Variants in ANKRD31 observed in about 807,000 individuals in gnomAD.
ANKRD31 encodes ankyrin repeat domain-containing protein 31.
A neutral mutation model predicts 186.0 loss-of-function variants in ANKRD31; 147 were observed. The ratio of observed to expected loss-of-function variants is 0.79; its 90% CI spans 0.69 to 0.91. ANKRD31 has a LOEUF of 0.91. Among genes scored for constraint, ANKRD31 ranks in the 40% least tolerant of loss-of-function variants. The probability of loss-of-function intolerance (pLI) is 0.00; values close to 1 mark genes in which losing one functional copy is unlikely to be tolerated. For missense variants in ANKRD31, 1,986 were observed against 2,148.8 expected (o/e 0.92, Z 1.50); for synonymous variants, 673 against 736.4 (o/e 0.91, Z 1.39).
At chr5:75,205,385 C>T (rs1366238455) in intron 5 of ANKRD31, among the ~76,000 whole-genome samples, 1 of 152,120 alleles carries the variant, frequency 6.6e-6, no homozygotes, top group African/African-American at 2.4e-5. Flanking sequence ...ATTTATCCTC[C>T]AGCACTGGCC....
chr5:75,124,280 A>G (rs1386679857), intron 17 of ANKRD31, among the ~76,000 whole-genome samples: 1 of 152,188 alleles, frequency 6.6e-6, no homozygotes, highest in Non-Finnish European at 1.5e-5. Context: ...GACAAAAAAC[A>G]ACAGATGTTG....
At chr5:75,193,167 A>C in intron 8 of ANKRD31, 144 bp downstream of exon 8, 1 of 1,043,570 alleles carries the variant, frequency 9.6e-7, no homozygotes, top group Non-Finnish European at 1.3e-6. Context: ...CTGATCAAAA[A>C]CTGCAAAATA....
intron 10 of ANKRD31, among the ~76,000 whole-genome samples, chr5:75,180,705 C>T (rs1402620576): frequency 2.0e-5 from 3 of 152,124 alleles, no homozygotes; most frequent in African/African-American, 7.2e-5. Flanking sequence ...AACTGGATCC[C>T]TTCCTTACAC....
chr5:75,118,556 G>C (rs1748485772), intron 17 of ANKRD31, among the ~76,000 whole-genome samples: 1 of 152,148 alleles, frequency 6.6e-6, no homozygotes, highest in South Asian at 2.1e-4. Context: ...GTAGGCATAG[G>C]GAGGTTCAGT....
At chr5:75,162,162 C>G (rs1377304718) in intron 11 of ANKRD31, among the ~76,000 whole-genome samples, 3 of 152,182 alleles carry the variant, frequency 2.0e-5, no homozygotes, top group Non-Finnish European at 4.4e-5. Flanking sequence ...CAGAGATACT[C>G]AACACCAGCC....
chr5:75,220,410 C>T (rs930312678), intron 3 of ANKRD31, among the ~76,000 whole-genome samples: 3 of 151,988 alleles, frequency 2.0e-5, no homozygotes, highest in South Asian at 2.1e-4. Context: ...GAGGCTGAGG[C>T]GGGTGGATCA....
chr5:75,127,439 TAAGA>T (rs977106180), intron 17 of ANKRD31, among the ~76,000 whole-genome samples: 1 of 152,136 alleles, frequency 6.6e-6, no homozygotes, highest in African/African-American at 2.4e-5. Context: ...CAGCACTCTT[TAAGA>T]AAGAAATATC....
intron 17 of ANKRD31, among the ~76,000 whole-genome samples, chr5:75,128,017 A>G (rs1467103720): frequency 6.6e-6 from 1 of 152,204 alleles, no homozygotes. Context: ...ATCATGTCAT[A>G]TGAAATAGAA....
chr5:75,197,166 T>C (rs1755524652), intron 6 of ANKRD31, among the ~76,000 whole-genome samples: 1 of 152,186 alleles, frequency 6.6e-6, no homozygotes, highest in Admixed American at 6.6e-5. Context: ...CCTCCCAAAG[T>C]ACAGGGATTA....
At chr5:75,082,636 G>T (rs917113902) in intron 24 of ANKRD31, among the ~76,000 whole-genome samples, 3 of 152,082 alleles carry the variant, frequency 2.0e-5, no homozygotes, top group Non-Finnish European at 4.4e-5. Flanking sequence ...AATAAGCAAA[G>T]ATTTATTTTA....
chr5:75,097,843 A>G (rs1201045613), intron 22 of ANKRD31, among the ~76,000 whole-genome samples: 1 of 152,150 alleles, frequency 6.6e-6, no homozygotes, highest in Non-Finnish European at 1.5e-5. Flanking sequence ...TATAAGGTGT[A>G]AGGAAGGGAT....
intron 22 of ANKRD31, among the ~76,000 whole-genome samples, chr5:75,094,587 G>A (rs549978288): frequency 3.9e-5 from 6 of 152,100 alleles, no homozygotes; most frequent in East Asian, 1.9e-4. Flanking sequence ...AATATTCACC[G>A]ATTGCAAAAG....
Position 75,146,916 on chromosome 5 carries a change from G to A in ANKRD31, c.2495C>T (p.Thr832Ile), listed in dbSNP as rs1244983733. The stretch of plus-strand genomic sequence containing the variant: ...AAGCCCTGGGAAAGAAACAGCTTCA[G>A]TTTGGTCAACAGATTCTAATTCCAA... ...QCLELESVDQ[T>I]EAVSFPGLLL... is the part of the protein sequence containing the mutation. Residue 832 changes from threonine (T) to isoleucine (I), a missense_variant, in exon 14 of 26, where the codon ACT (threonine) becomes ATT (isoleucine). Coordinates refer to ENST00000506364, the MANE Select transcript of ANKRD31 (RefSeq NM_001372053.1). 2 of 1,536,254 alleles carry A rather than the reference G, an allele frequency of 1.3e-6. No individual in the cohort carries two copies. The highest frequency in any genetic ancestry group is 2.4e-5 in the East Asian group (1 of 40,892).
rs1334624149 is a variant in ANKRD31, at chr5:75,118,307, AT to A, written c.3877-11del. 2.1e-6 allele frequency: 3 copies of A among 1,462,992 alleles called. No homozygotes were observed. Among genetic ancestry groups the A allele is most frequent in the African/African-American group, 1.4e-5 (1 of 69,470 alleles). 90.6% of individuals were successfully genotyped at this position (1,462,992 alleles called of 1,614,324 possible). On this transcript the variant is annotated splice_polypyrimidine_tract_variant and intron_variant, in intron 17 of 25. Transcript: ENST00000506364. ...GTAGAATCTCAGCTGCCTACAAAGT[AT>A]TTTTTCAAAGTTATCTCTACAGACA... is the stretch of plus-strand genomic sequence containing the variant.
chr5:75,134,076 T>C (rs1750266162), intron 17 of ANKRD31, among the ~76,000 whole-genome samples: 1 of 151,550 alleles, frequency 6.6e-6, no homozygotes, highest in Non-Finnish European at 1.5e-5. Context: ...AAGATCAAAA[T>C]AGACACCCTA....
Position 75,068,665 on chromosome 5 carries a change from C to A in ANKRD31, c.5648-1G>T. 6.7e-7 allele frequency: 1 copy of A among 1,485,544 alleles called. No homozygotes were observed. The highest frequency in any genetic ancestry group is 2.5e-5 in the East Asian group (1 of 39,348). The allele number at this position is 1,485,544 out of a possible 1,614,324, so 92.0% of individuals were successfully genotyped here. A position where few individuals can be genotyped will look rare whatever the true frequency, so the allele number is the denominator to read the frequency against. The stretch of plus-strand genomic sequence containing the variant: ...CTTTGCATTGACTCTCTGGAAGTTC[C>A]TGTTTAAAGAAGTATCAACAAATTA... On this transcript the variant is annotated splice_acceptor_variant, in intron 25 of 25. Coordinates refer to ENST00000506364, the MANE Select transcript of ANKRD31 (RefSeq NM_001372053.1). LOFTEE classifies it high-confidence loss of function.
chr5:75,129,764 G>T (rs901021586), intron 17 of ANKRD31, among the ~76,000 whole-genome samples: 1 of 152,206 alleles, frequency 6.6e-6, no homozygotes, highest in Non-Finnish European at 1.5e-5. Flanking sequence ...GAGGTACCAG[G>T]TTCATCTCAC....
chr5:75,232,353 G>T (rs56807265), intron 1 of ANKRD31, among the ~76,000 whole-genome samples: 3 of 151,860 alleles, frequency 2.0e-5, no homozygotes, highest in African/African-American at 7.2e-5. Context: ...AACCTCCACC[G>T]CCCAGGTTCA....
chr5:75,080,717 C>A, intron 24 of ANKRD31, 78 bp from the exon 25 acceptor site: 2 of 771,170 alleles, frequency 2.6e-6, no homozygotes, highest in South Asian at 2.6e-5. Context: ...TGATGGTCAC[C>A]CTACCGATGG....
Sources: gnomAD v4.1 joint callset for allele counts (sites outside exome capture counted in the v4.1 genomes callset) on GRCh38, gnomAD v4.1.1 for gene constraint, MANE v1.5 for transcripts, NCBI Gene and HGNC (gene_info 2026-07-23, HGNC 2026-07-21) for gene names.